TSPAN15: variants seen among roughly 807,000 people sequenced by gnomAD.
The protein encoded by TSPAN15 is tetraspanin-15.
TSPAN15 carries 20 observed loss-of-function variants against 34.5 expected under a neutral mutation model. The ratio of observed to expected loss-of-function variants is 0.58; its 90% CI spans 0.41 to 0.84. The LOEUF (loss-of-function observed/expected upper bound fraction) is 0.84, where lower values mean the gene tolerates loss of function less well. Among genes scored for constraint, TSPAN15 ranks in the 40% least tolerant of loss-of-function variants. TSPAN15 has a pLI of 0.00. For missense variants in TSPAN15, 313 were observed against 386.1 expected (o/e 0.81, Z 1.59); for synonymous variants, 155 against 153.9 (o/e 1.01, Z -0.05).
intron 1 of TSPAN15, among the ~76,000 whole-genome samples, chr10:69,452,746 TG>T (rs1841001494): frequency 1.3e-5 from 2 of 152,212 alleles, no homozygotes; most frequent in South Asian, 4.1e-4. Flanking sequence ...GCTCCGCCCC[TG>T]TCACTCCAGA....
At chr10:69,457,579 G>A (rs1841142474) in intron 1 of TSPAN15, among the ~76,000 whole-genome samples, 1 of 152,150 alleles carries the variant, frequency 6.6e-6, no homozygotes. Context: ...GGTGGTGGAG[G>A]CAGCAAATGC....
At chr10:69,515,822 G>A in the TSPAN15 span, among the ~76,000 whole-genome samples, 46 of 152,284 alleles carry the variant, frequency 3.0e-4, no homozygotes, top group African/African-American at 1.0e-3. Context: ...GCTAGGTGGC[G>A]CGGCTGACCC....
rs1841408107 is a variant in TSPAN15 at position 69,467,430 on chromosome 10, G to A, written c.96+15740G>A. 2.6e-5 allele frequency among the ~76,000 whole-genome samples: 4 copies of A among 152,240 alleles called. No homozygotes were observed. The South Asian group carries it at 6.2e-4, about 24-fold the overall frequency. On this transcript the variant is annotated intron_variant, in intron 1 of 7. Coordinates refer to ENST00000373290, the MANE Select transcript of TSPAN15 (RefSeq NM_012339.5). ...ATCTGGTCTGAAGCTTTAGGCAAAG[G>A]AAGACGCAAACCTGTAGTAAACAAA...
At chr10:69,520,673 A>C in the TSPAN15 span, among the ~76,000 whole-genome samples, 30 of 152,322 alleles carry the variant, frequency 2.0e-4, no homozygotes, top group South Asian at 2.1e-3. Flanking sequence ...AACAAACAAA[A>C]AAATCCATTG....
intron 5 of TSPAN15, among the ~76,000 whole-genome samples, chr10:69,504,088 G>A (rs907648805): frequency 5.9e-5 from 9 of 152,162 alleles, no homozygotes; most frequent in African/African-American, 2.2e-4. Context: ...GCCCCACCCC[G>A]ACCTCTGAGA....
chr10:69,525,440 A>G, the TSPAN15 span, among the ~76,000 whole-genome samples: 1 of 143,920 alleles, frequency 6.9e-6, no homozygotes, highest in Non-Finnish European at 1.5e-5. Flanking sequence ...TGAGCTCAGG[A>G]CTTCAAGATC....
chr10:69,495,596 C>T lies in TSPAN15; in HGVS notation c.360C>T (p.Thr120=). ...TTGTAATTTCTCCTTTTGAATAGAC[C>T]ATTGACTTCCTGAACGACAACATTC... ...GVVALTFRNQ[T]IDFLNDNIRR... is the part of the protein sequence containing the mutation. Residue 120 remains threonine, a splice_region_variant and synonymous_variant, in exon 4 of 8, where the codon ACC becomes ACT. Coordinates refer to ENST00000373290, the MANE Select transcript of TSPAN15 (RefSeq NM_012339.5). 2.5e-6 allele frequency: 4 copies of T among 1,610,116 alleles called. No individual in the cohort carries two copies. The highest frequency in any genetic ancestry group is 3.4e-6 in the Non-Finnish European group (4 of 1,176,424).
rs1840970921 is a variant in TSPAN15, at chr10:69,451,668, T to C, written c.74T>C (p.Ile25Thr). 3 of 1,542,202 alleles carry C rather than the reference T, an allele frequency of 1.9e-6. No homozygotes were observed. Among genetic ancestry groups the C allele is most frequent in the Non-Finnish European group, 1.8e-6 (2 of 1,142,588 alleles). Residue 25 changes from isoleucine (I) to threonine (T), a missense_variant, in exon 1 of 8, where the codon ATC becomes ACC. Transcript: ENST00000373290. The part of the protein sequence containing the change: ...FSYLWLKFSL[I>T]IYSTVFWLIG... ...TACCTCTGGCTCAAGTTTTCACTTA[T>C]CATCTATTCCACCGTGTTCTGGGTG...
At chr10:69,465,458 G>A (rs1453781564) in intron 1 of TSPAN15, among the ~76,000 whole-genome samples, 2 of 152,214 alleles carry the variant, frequency 1.3e-5, no homozygotes, top group Non-Finnish European at 2.9e-5. Flanking sequence ...CCCACACTCT[G>A]TCTAGCTGGG....
chr10:69,537,575 T>C, the TSPAN15 span, among the ~76,000 whole-genome samples: 1 of 152,152 alleles, frequency 6.6e-6, no homozygotes, highest in African/African-American at 2.4e-5. Context: ...TCCATAATCT[T>C]CACATGGCGT....
downstream of TSPAN15, among the ~76,000 whole-genome samples, chr10:69,509,588 T>A (rs1030493925): frequency 1.6e-4 from 25 of 152,330 alleles, no homozygotes; most frequent in Non-Finnish European, 3.4e-4. Context: ...TTTAGTTTAA[T>A]CAGATCCCAT....
chr10:69,529,182 CA>C, the TSPAN15 span, among the ~76,000 whole-genome samples: 1 of 147,990 alleles, frequency 6.8e-6, no homozygotes, highest in African/African-American at 2.5e-5. Flanking sequence ...CCCAAGAGTA[CA>C]GTGATGCCTG....
the TSPAN15 span, among the ~76,000 whole-genome samples, chr10:69,531,334 T>A: frequency 2.1e-5 from 3 of 143,092 alleles, no homozygotes; most frequent in Non-Finnish European, 4.6e-5. Flanking sequence ...TGTGGTGGCT[T>A]ATGCCTGTAA....
At chr10:69,453,173 G>A (rs1841012080) in intron 1 of TSPAN15, among the ~76,000 whole-genome samples, 1 of 152,176 alleles carries the variant, frequency 6.6e-6, no homozygotes, top group Admixed American at 6.5e-5. Flanking sequence ...GCAAGGACCT[G>A]TTGGTGGAAG....
rs575832107 is a variant in TSPAN15, at chr10:69,458,271, T to G, written c.96+6581T>G. Among the ~76,000 whole-genome samples, 27 of 152,210 alleles carry G rather than the reference T, an allele frequency of 1.8e-4. No individual in the cohort carries two copies. The Middle Eastern group carries it at 0.01, about 58-fold the overall frequency. On this transcript the variant is annotated intron_variant, in intron 1 of 7. Transcript: ENST00000373290. The stretch of plus-strand genomic sequence containing the variant: ...AGACAGTTTCCAGGAGATTTTTACT[T>G]TCGAGAAGAGCTTTATTATTTTTGT...
the TSPAN15 span, among the ~76,000 whole-genome samples, chr10:69,539,476 GAGAAGGAGAAGAAGA>G: frequency 1.4e-4 from 9 of 62,624 alleles, no homozygotes; most frequent in African/African-American, 5.1e-4. Flanking sequence ...GAAGGAGAAG[GAGAAGGAGAAGAAGA>G]AGAAGAAGAA....
chr10:69,462,049 TG>T (rs1469968279), intron 1 of TSPAN15, among the ~76,000 whole-genome samples: 1 of 151,488 alleles, frequency 6.6e-6, no homozygotes, highest in Non-Finnish European at 1.5e-5. Flanking sequence ...GGTCCAATCA[TG>T]GCTCACTGTG....
At chr10:69,460,737 T>G in intron 1 of TSPAN15, among the ~76,000 whole-genome samples, 1 of 152,050 alleles carries the variant, frequency 6.6e-6, no homozygotes, top group East Asian at 1.9e-4. Context: ...CAGAGGAGTC[T>G]TTGGGAGGAC....
chr10:69,502,372 C>T (rs1842228619), intron 5 of TSPAN15, among the ~76,000 whole-genome samples: 1 of 152,176 alleles, frequency 6.6e-6, no homozygotes, highest in African/African-American at 2.4e-5. Context: ...TTTTCACGTA[C>T]CTCCCCTCCC....
Sources: gnomAD v4.1 joint callset for allele counts (sites outside exome capture counted in the v4.1 genomes callset) on GRCh38, gnomAD v4.1.1 for gene constraint, MANE v1.5 for transcripts, NCBI Gene and HGNC (gene_info 2026-07-23, HGNC 2026-07-21) for gene names.